The following CACNB2 variants were observed in gnomAD, a reference collection of about 807,000 sequenced individuals.
The protein encoded by CACNB2 is calcium voltage-gated channel auxiliary subunit beta 2, also known as voltage-dependent L-type calcium channel subunit beta-2.
CACNB2 carries 42 observed loss-of-function variants against 73.3 expected under a neutral mutation model. That is an observed-to-expected ratio of 0.57 (90% CI 0.45 to 0.74). CACNB2 has a LOEUF of 0.74. CACNB2 is among the 30% of genes least tolerant of loss of function. The pLI is 0.00. For synonymous variants in CACNB2, 348 were observed against 310.3 expected, an observed-to-expected ratio of 1.12 and a Z score of -1.28; for missense variants, 940 against 853.0, an observed-to-expected ratio of 1.10 and a Z score of -1.27.
At chr10:18,385,372 C>CG (rs1021322513) in intron 2 of CACNB2, among the ~76,000 whole-genome samples, 2 of 132,936 alleles carry the variant, frequency 1.5e-5, no homozygotes, top group African/African-American at 5.7e-5. Context: ...ATACCCCCCC[C>CG]CCTCGCCCCC....
intron 2 of CACNB2, among the ~76,000 whole-genome samples, chr10:18,393,364 A>G (rs2132467865): frequency 6.6e-6 from 1 of 152,288 alleles, no homozygotes; most frequent in South Asian, 2.1e-4. Context: ...TTGCCCCTCT[A>G]ATTTTAACTT....
intron 2 of CACNB2, among the ~76,000 whole-genome samples, chr10:18,219,792 CAG>C (rs917336857): frequency 1.4e-5 from 2 of 145,932 alleles, no homozygotes; most frequent in Non-Finnish European, 3.0e-5. Flanking sequence ...TTTTTTGAGA[CAG>C]AGTCTCACTC....
chr10:18,175,077 A>G (rs1184080077), intron 2 of CACNB2, among the ~76,000 whole-genome samples: 1 of 152,192 alleles, frequency 6.6e-6, no homozygotes, highest in African/African-American at 2.4e-5. Context: ...GGCTGACGAG[A>G]ATTGACCTCT....
chr10:18,480,240 C>G (rs1564597870), intron 3 of CACNB2, among the ~76,000 whole-genome samples: 1 of 151,738 alleles, frequency 6.6e-6, no homozygotes, highest in Non-Finnish European at 1.5e-5. Context: ...TTTAATTACT[C>G]AAATTATTTG....
At chr10:18,404,336 A>G (rs1242221703) in intron 3 of CACNB2, among the ~76,000 whole-genome samples, 1 of 152,150 alleles carries the variant, frequency 6.6e-6, no homozygotes, top group Admixed American at 6.5e-5. Context: ...GAAATAATGC[A>G]AAATAGGGAT....
intron 2 of CACNB2, among the ~76,000 whole-genome samples, chr10:18,337,116 CTTTCTTCTTCTTTTT>C (rs1564447311): frequency 1.3e-5 from 2 of 151,892 alleles, no homozygotes; most frequent in East Asian, 1.9e-4. Context: ...CTTTTCTCTT[CTTTCTTCTTCTTTTT>C]TTTCTTCTTT....
chr10:18,441,831 G>C (rs2046423729), intron 3 of CACNB2, among the ~76,000 whole-genome samples: 1 of 152,060 alleles, frequency 6.6e-6, no homozygotes, highest in South Asian at 2.1e-4. Context: ...GACTTGGCCA[G>C]GCCAGTCTCG....
intron 3 of CACNB2, among the ~76,000 whole-genome samples, chr10:18,492,266 A>C (rs563837982): frequency 3.0e-4 from 45 of 152,336 alleles, no homozygotes; most frequent in African/African-American, 1.0e-3. Context: ...ATTCGACATG[A>C]GTCTGGCCAG....
chr10:18,268,352 T>C (rs549973389), intron 2 of CACNB2, among the ~76,000 whole-genome samples: 2 of 152,294 alleles, frequency 1.3e-5, no homozygotes, highest in South Asian at 4.1e-4. Flanking sequence ...TTCCGGAACA[T>C]TAAAATGTGT....
At chr10:18,526,215 A>T (rs1388231851) in intron 9 of CACNB2, among the ~76,000 whole-genome samples, 10 of 152,202 alleles carry the variant, frequency 6.6e-5, no homozygotes, top group Admixed American at 6.5e-4. Flanking sequence ...CAGATTCCCC[A>T]GAGAAGAATC....
chr10:18,409,040 G>T (rs2132607699), intron 3 of CACNB2, among the ~76,000 whole-genome samples: 1 of 151,432 alleles, frequency 6.6e-6, no homozygotes, highest in South Asian at 2.1e-4. Flanking sequence ...AATTTTTTTT[G>T]TAATCTCAGC....
At chr10:18,440,598 G>C (rs568016232) in intron 3 of CACNB2, among the ~76,000 whole-genome samples, 95 of 152,246 alleles carry the variant, frequency 6.2e-4, no homozygotes, top group African/African-American at 2.2e-3. Context: ...TTGTGATCAT[G>C]CCACTGCACT....
chr10:18,433,128 T>G lies in CACNB2; in HGVS notation c.333+31085T>G, dbSNP rs894258813. ...ATATATGTATATGCGTGTATTGATA[T>G]ATATATATATATATATTTGAAATCC... On this transcript the variant is annotated intron_variant, in intron 3 of 13. Coordinates refer to ENST00000324631, the MANE Select transcript of CACNB2 (RefSeq NM_201596.3). 5.4e-5 allele frequency among the ~76,000 whole-genome samples: 8 copies of G among 149,270 alleles called. No homozygotes were observed. The South Asian group carries it at 8.4e-4, about 16-fold the overall frequency.
At chr10:18,252,319 G>A (rs2037121386) in intron 2 of CACNB2, among the ~76,000 whole-genome samples, 1 of 152,184 alleles carries the variant, frequency 6.6e-6, no homozygotes, top group East Asian at 1.9e-4. Flanking sequence ...AGAAATCGGT[G>A]TCTGGTGTTA....
chr10:18,529,303 T>C (rs2052768456), intron 10 of CACNB2, among the ~76,000 whole-genome samples: 1 of 152,216 alleles, frequency 6.6e-6, no homozygotes, highest in Non-Finnish European at 1.5e-5. Flanking sequence ...TCTATGTATT[T>C]CATTGAGCAT....
At chr10:18,363,041 A>G (rs553537338) in intron 2 of CACNB2, among the ~76,000 whole-genome samples, 1 of 152,300 alleles carries the variant, frequency 6.6e-6, no homozygotes, top group Non-Finnish European at 1.5e-5. Flanking sequence ...TCTGTGTTGA[A>G]GACAGTTTAT....
At chr10:18,413,594 G>A (rs567563118) in intron 3 of CACNB2, among the ~76,000 whole-genome samples, 10 of 152,162 alleles carry the variant, frequency 6.6e-5, no homozygotes, top group South Asian at 2.1e-4. Context: ...AACCTTCGTC[G>A]AAGGGTCAAC....
chr10:18,446,900 A>G (rs2046760769), intron 3 of CACNB2, among the ~76,000 whole-genome samples: 1 of 152,004 alleles, frequency 6.6e-6, no homozygotes. Flanking sequence ...CCCTGTCTCT[A>G]AAAAAATAAA....
chr10:18,416,303 CTGAG>C (rs1377064154), intron 3 of CACNB2, among the ~76,000 whole-genome samples: 1 of 152,216 alleles, frequency 6.6e-6, no homozygotes, highest in African/African-American at 2.4e-5. Context: ...TTTTTCAAGG[CTGAG>C]TAATATTCCA....
Sources: gnomAD v4.1 joint callset for allele counts (sites outside exome capture counted in the v4.1 genomes callset) on GRCh38, gnomAD v4.1.1 for gene constraint, MANE v1.5 for transcripts, NCBI Gene and HGNC (gene_info 2026-07-23, HGNC 2026-07-21) for gene names.